Variants in IHO1 observed in about 807,000 individuals in gnomAD.
The protein encoded by IHO1 is interactor of HORMAD1 1.
Under a neutral mutation model 31.0 loss-of-function variants are expected in IHO1, and 13 were observed. The ratio of observed to expected loss-of-function variants is 0.42; its 90% CI spans 0.27 to 0.67. The LOEUF (loss-of-function observed/expected upper bound fraction) is 0.67, where lower values mean the gene tolerates loss of function less well. Among genes scored for constraint, IHO1 ranks in the 30% least tolerant of loss-of-function variants. The probability of loss-of-function intolerance (pLI) is 0.24; values close to 1 mark genes in which losing one functional copy is unlikely to be tolerated. For missense variants in IHO1, 599 were observed against 687.5 expected, an observed-to-expected ratio of 0.87 and a Z score of 1.44; for synonymous variants, 221 against 248.4, an observed-to-expected ratio of 0.89 and a Z score of 1.04.
intron 5 of IHO1, 42 bp from the exon 6 acceptor site, chr3:49,244,604 G>T: frequency 6.5e-7 from 1 of 1,550,266 alleles, no homozygotes; most frequent in Non-Finnish European, 8.9e-7. Flanking sequence ...AGTAGAATAA[G>T]GCAATAGCCT....
intron 3 of IHO1, among the ~76,000 whole-genome samples, chr3:49,237,841 C>G (rs1471057714): frequency 2.9e-5 from 4 of 139,994 alleles, no homozygotes; most frequent in African/African-American, 1.1e-4. Context: ...GAATGAGGAA[C>G]AGAGTCTCTT....
At position 49,256,683 on chromosome 3, in the gene IHO1, T is replaced by C. The variant is rs748367821; in HGVS notation, c.1186T>C (p.Leu396=). The C allele has an allele frequency of 5.0e-6, 8 of 1,614,190 alleles. No individual in the cohort carries two copies. The East Asian group carries it at 6.7e-5, about 13-fold the overall frequency. The stretch of plus-strand genomic sequence containing the variant: ...CCAAGGAGCCTCACAGCTCACATCA[T>C]TGGAGATAAACTTTTCAACCAGCAT... The part of the protein sequence containing the change: ...VSQGASQLTS[L]EINFSTSIKN... The change falls in exon 8 of 8, where the codon TTG becomes CTG. Residue 396 remains leucine (L), a synonymous_variant. Transcript: ENST00000452691. The surrounding 1 kb of genome is among the most constrained non-coding windows in gnomAD (Gnocchi z 4.6).
At chr3:49,204,493 C>T (rs1330584544) in intron 1 of IHO1, among the ~76,000 whole-genome samples, 1 of 152,030 alleles carries the variant, frequency 6.6e-6, no homozygotes, top group Non-Finnish European at 1.5e-5. Context: ...GTGAAGGGAT[C>T]CCCCCAAAAT....
chr3:49,217,837 G>A (rs2046308256), intron 2 of IHO1, among the ~76,000 whole-genome samples: 1 of 152,136 alleles, frequency 6.6e-6, no homozygotes, highest in African/African-American at 2.4e-5. Context: ...TAGGGTTTGT[G>A]CTCCTGTTAG....
At chr3:49,242,822 A>AAAC (rs951246417) in intron 4 of IHO1, among the ~76,000 whole-genome samples, 1 of 152,104 alleles carries the variant, frequency 6.6e-6, no homozygotes, top group Admixed American at 6.6e-5. Flanking sequence ...ACAAGCAAAA[A>AAAC]AACAACAACA....
chr3:49,208,315 G>GGTGAGCAGTGGGCCAGCCTGAGCTCTATC (rs2046166893), intron 1 of IHO1, among the ~76,000 whole-genome samples: 1 of 152,186 alleles, frequency 6.6e-6, no homozygotes, highest in African/African-American at 2.4e-5. Flanking sequence ...CACAGCAGGA[G>GGTGAGCAGTGGGCCAGCCTGAGCTCTATC]GTGAGCAGTG....
At chr3:49,230,571 G>A (rs1449957213) in intron 2 of IHO1, among the ~76,000 whole-genome samples, 1 of 152,152 alleles carries the variant, frequency 6.6e-6, no homozygotes, top group Non-Finnish European at 1.5e-5. Flanking sequence ...TTTTCACAGT[G>A]TTACATTATT....
intron 2 of IHO1, among the ~76,000 whole-genome samples, chr3:49,228,644 C>T (rs2046444912): frequency 6.6e-6 from 1 of 152,010 alleles, no homozygotes; most frequent in Admixed American, 6.6e-5. Context: ...GATGGTATGT[C>T]CGGAGTTTGT....
chr3:49,211,849 G>C lies in IHO1; in HGVS notation c.56+13G>C, dbSNP rs201153481. On this transcript the variant is annotated intron_variant, in intron 2 of 7. Transcript: ENST00000452691. Reference sequence around the variant, plus strand: ...CTTCAGGCTCTGGGTAAGTTTTCTGGTTATATTGTCTGATCCTTAAGAGGA... The same window carrying C: ...CTTCAGGCTCTGGGTAAGTTTTCTGCTTATATTGTCTGATCCTTAAGAGGA... 3.7e-4 allele frequency: 545 copies of C among 1,483,520 alleles called. No individual in the cohort carries two copies. Among genetic ancestry groups the C allele is most frequent in the Non-Finnish European group, 4.7e-4 (495 of 1,061,640 alleles). The allele number at this position is 1,483,520 out of a possible 1,614,324, so 91.9% of individuals were successfully genotyped here. A position where few individuals can be genotyped will look rare whatever the true frequency, so the allele number is the denominator to read the frequency against.
At chr3:49,238,435 C>T (rs904403138) in intron 3 of IHO1, among the ~76,000 whole-genome samples, 2 of 152,098 alleles carry the variant, frequency 1.3e-5, no homozygotes, top group African/African-American at 4.8e-5. Context: ...ACCGGCTCAG[C>T]GGATTCGCAT....
chr3:49,207,048 A>AC, intron 1 of IHO1, among the ~76,000 whole-genome samples: 1 of 112,684 alleles, frequency 8.9e-6, no homozygotes, highest in Non-Finnish European at 1.9e-5. Context: ...ACTCTGTCTC[A>AC]AAAAAAAAAA....
At chr3:49,208,230 C>T (rs2046165651) in intron 1 of IHO1, among the ~76,000 whole-genome samples, 1 of 152,178 alleles carries the variant, frequency 6.6e-6, no homozygotes, top group Non-Finnish European at 1.5e-5. Context: ...AATTTAGTTC[C>T]CTAGAACAGG....
chr3:49,254,529 A>G (rs1426587440), intron 6 of IHO1, among the ~76,000 whole-genome samples: 2 of 151,078 alleles, frequency 1.3e-5, no homozygotes, highest in Non-Finnish European at 3.0e-5. Flanking sequence ...TGAAAGTAGA[A>G]GGAAGAATAG....
chr3:49,202,364 C>T (rs1241662504), intron 1 of IHO1, among the ~76,000 whole-genome samples: 4 of 139,262 alleles, frequency 2.9e-5, no homozygotes, highest in Non-Finnish European at 6.1e-5. Flanking sequence ...CTTGCTCTGT[C>T]GCCCAGGCTA....
intron 2 of IHO1, among the ~76,000 whole-genome samples, chr3:49,212,132 C>T (rs1402323043): frequency 3.3e-5 from 5 of 149,548 alleles, no homozygotes; most frequent in African/African-American, 1.2e-4. Context: ...CCACTGCACT[C>T]CAGCCTGGGC....
intron 6 of IHO1, among the ~76,000 whole-genome samples, chr3:49,248,744 GAA>G (rs2046726390): frequency 6.6e-6 from 1 of 151,876 alleles, no homozygotes; most frequent in Admixed American, 6.6e-5. Context: ...GAAAAAGAAA[GAA>G]AAAAGACTCA....
At chr3:49,203,038 A>T (rs1457708049) in intron 1 of IHO1, among the ~76,000 whole-genome samples, 2 of 149,716 alleles carry the variant, frequency 1.3e-5, no homozygotes, top group African/African-American at 4.9e-5. Flanking sequence ...AATTTTTTGT[A>T]TTTTTTTTAG....
chr3:49,219,578 T>TAGAAA, intron 2 of IHO1, among the ~76,000 whole-genome samples: 1 of 152,202 alleles, frequency 6.6e-6, no homozygotes, highest in East Asian at 1.9e-4. Flanking sequence ...ACACTCTATA[T>TAGAAA]TTCTGTGTGT....
In IHO1 at chr3:49,256,587, A is replaced by G; in HGVS notation, c.1090A>G (p.Lys364Glu). The G allele has an allele frequency of 1.9e-6, 3 of 1,614,238 alleles. No individual in the cohort carries two copies. The highest frequency in any genetic ancestry group is 2.5e-6 in the Non-Finnish European group (3 of 1,180,046). Reference sequence around the variant, plus strand: ...TAACTGCAAGAACTGGGCTGTTACTAAAACAGGTGCCAAGAACCATGGTTC... The same window carrying G: ...TAACTGCAAGAACTGGGCTGTTACTGAAACAGGTGCCAAGAACCATGGTTC... Reference protein sequence around the residue: ...QTNCKNWAVTKTGAKNHGSSV... With the variant: ...QTNCKNWAVTETGAKNHGSSV... Residue 364 changes from lysine (K) to glutamate (E), a missense_variant, in exon 8 of 8, where the codon AAA becomes GAA. Coordinates refer to ENST00000452691, the MANE Select transcript of IHO1 (RefSeq NM_001135197.2). This position sits in a 1 kb window ranked among gnomAD's most constrained non-coding sequence, Gnocchi z 4.6.
Sources: allele counts gnomAD v4.1 joint callset (sites outside exome capture counted in the v4.1 genomes callset), GRCh38; gene constraint gnomAD v4.1.1; non-coding constraint Gnocchi (gnomAD v3.1); transcripts MANE v1.5; gene names NCBI Gene and HGNC (gene_info 2026-07-23, HGNC 2026-07-21).